Variants in ZFHX3 observed in about 807,000 individuals in gnomAD.
ZFHX3 encodes the protein zinc finger homeobox 3.
A neutral mutation model predicts 279.1 loss-of-function variants in ZFHX3; 42 were observed. The observed-to-expected ratio is 0.15, with a 90% CI of 0.12 to 0.19. The LOEUF is 0.19. Ranked by LOEUF, ZFHX3 falls within the 10% of genes least tolerant of loss-of-function variation. ZFHX3 has a pLI of 1.00. For missense variants in ZFHX3, 4,981 were observed against 4,754.0 expected, an observed-to-expected ratio of 1.05 and a Z score of -1.40; for synonymous variants, 2,293 against 1,957.8, an observed-to-expected ratio of 1.17 and a Z score of -4.52.
At chr16:73,600,055 T>C (rs1567529895) in intron 2 of ZFHX3, among the ~76,000 whole-genome samples, 1 of 152,214 alleles carries the variant, frequency 6.6e-6, no homozygotes, top group Non-Finnish European at 1.5e-5. Context: ...GCATCTTATT[T>C]GTACATGGCA....
At chr16:72,878,699 G>C (rs2144011267) in intron 4 of ZFHX3, among the ~76,000 whole-genome samples, 1 of 152,314 alleles carries the variant, frequency 6.6e-6, no homozygotes. Flanking sequence ...AGTGCTACTT[G>C]TCCCGTGGAT....
chr16:73,803,842 A>G lies in ZFHX3; in HGVS notation c.-1608+87809T>C, dbSNP rs568307366. Among the ~76,000 whole-genome samples, 98 of 152,328 alleles carry G rather than the reference A, an allele frequency of 6.4e-4. No individual in the cohort carries two copies. In the East Asian group the frequency reaches 0.015, roughly 23 times the overall value. On this transcript the variant is annotated intron_variant, in intron 1 of 17. Transcript: ENST00000641206. The stretch of plus-strand genomic sequence containing the variant: ...GCGTGTGTGTCTGTGAACAAAGATA[A>G]TGATACAGAAAGATATCCATCAAAT...
intron 2 of ZFHX3, among the ~76,000 whole-genome samples, chr16:73,664,209 C>G (rs1457217574): frequency 6.7e-6 from 1 of 149,960 alleles, no homozygotes; most frequent in Non-Finnish European, 1.5e-5. Flanking sequence ...AACAGTATTG[C>G]TGACCTTTTT....
intron 4 of ZFHX3, among the ~76,000 whole-genome samples, chr16:73,314,974 T>C (rs527840293): frequency 1.3e-5 from 2 of 152,318 alleles, no homozygotes; most frequent in South Asian, 4.1e-4. Context: ...ACGCCTGTAA[T>C]TCCAGCACTT....
intron 3 of ZFHX3, among the ~76,000 whole-genome samples, chr16:73,339,455 G>C (rs1031800212): frequency 6.6e-6 from 1 of 152,250 alleles, no homozygotes; most frequent in Admixed American, 6.5e-5. Flanking sequence ...AACTCAAATA[G>C]TGGTTAATTG....
intron 1 of ZFHX3, among the ~76,000 whole-genome samples, chr16:73,834,906 C>G (rs1421699675): frequency 8.1e-6 from 1 of 123,516 alleles, no homozygotes; most frequent in East Asian, 2.3e-4. Context: ...AAAGAAGCGT[C>G]TCCCCCCGTG....
rs1025486010 is a variant in ZFHX3, at chr16:72,788,172, C to G, written c.10104G>C (p.Gln3368His). The G allele has an allele frequency of 2.5e-6, 4 of 1,611,760 alleles. No individual in the cohort carries two copies. The African/African-American group carries it at 5.3e-5, about 22-fold the overall frequency. The change falls in exon 10 of 10, where the codon CAG (glutamine) becomes CAC (histidine). Residue 3368 changes from glutamine to histidine, a missense_variant. By Grantham distance (24) the Gln-to-His change is conservative. Around this residue, in one of 7 missense-constraint regions of ZFHX3, gnomAD observed 1,034 missense variants for 786.0 expected, o/e 1.32. Coordinates refer to ENST00000268489, the MANE Select transcript of ZFHX3 (RefSeq NM_006885.4). ...GSLLQQYQQY[Q>H]QSLQEAIQQQ... ...GCTGAATTGCCTCCTGCAGACTCTG[C>G]TGGTATTGCTGGTACTGCTGCAGTA...
intron 7 of ZFHX3, among the ~76,000 whole-genome samples, chr16:73,100,873 A>T (rs1966222553): frequency 6.6e-6 from 1 of 152,176 alleles, no homozygotes; most frequent in African/African-American, 2.4e-5. Flanking sequence ...CTGAGATTAC[A>T]TGGGTGAGTC....
intron 1 of ZFHX3, among the ~76,000 whole-genome samples, chr16:73,714,588 A>G (rs2053396351): frequency 6.6e-6 from 1 of 152,176 alleles, no homozygotes; most frequent in Non-Finnish European, 1.5e-5. Context: ...CAAATGCTTT[A>G]TGGCATGGAG....
intron 2 of ZFHX3, among the ~76,000 whole-genome samples, chr16:73,579,530 C>T (rs1404615876): frequency 6.7e-6 from 1 of 148,266 alleles, no homozygotes; most frequent in Admixed American, 6.7e-5. Context: ...GAGACAGAGT[C>T]TCACTCCGTC....
At chr16:72,938,143 C>T (rs76826532) in intron 3 of ZFHX3, among the ~76,000 whole-genome samples, 3,172 of 152,306 alleles carry the variant, frequency 0.021, 124 homozygotes, top group African/African-American at 0.072. Context: ...GCAGAGATGC[C>T]GTGTGTGGGT....
intron 1 of ZFHX3, among the ~76,000 whole-genome samples, chr16:73,036,296 A>G (rs1304857428): frequency 6.6e-6 from 1 of 152,224 alleles, no homozygotes; most frequent in African/African-American, 2.4e-5. Flanking sequence ...TGAACTTTTT[A>G]GCCACCTCCT....
chr16:73,308,599 G>A lies in ZFHX3; in HGVS notation c.-1194+9641C>T, dbSNP rs150193871. On this transcript the variant is annotated intron_variant, in intron 4 of 17. Transcript: ENST00000641206. ...TGAGATTACAGGTGTGAGCCACCAC[G>A]CCCAGCCTATTTTTTAATTCTCGCA... Among the ~76,000 whole-genome samples, 953 of 152,042 alleles carry A rather than the reference G, an allele frequency of 6.3e-3. 10 individuals carry two copies. The highest frequency in any genetic ancestry group is 0.021 in the African/African-American group (875 of 41,492).
intron 3 of ZFHX3, among the ~76,000 whole-genome samples, chr16:73,386,200 G>GTCTCTGTC (rs1555513205): frequency 6.0e-5 from 9 of 151,192 alleles, no homozygotes; most frequent in African/African-American, 1.7e-4. Flanking sequence ...CACCGTCTCT[G>GTCTCTGTC]TCTCTCTCTC....
chr16:73,711,209 A>T (rs564244084), intron 1 of ZFHX3, among the ~76,000 whole-genome samples: 2 of 152,090 alleles, frequency 1.3e-5, no homozygotes, highest in Non-Finnish European at 2.9e-5. Context: ...TGGGTCTGAT[A>T]TTTCAAGTCC....
chr16:73,341,486 G>A (rs544960841), intron 3 of ZFHX3, among the ~76,000 whole-genome samples: 55 of 152,310 alleles, frequency 3.6e-4, no homozygotes, highest in African/African-American at 1.2e-3. Flanking sequence ...TGAAATGCCA[G>A]TGAAACTACA....
rs1959577468 is a variant in ZFHX3, at chr16:72,928,178, G to C, written c.3216+22291C>G. Among the ~76,000 whole-genome samples the C allele has an allele frequency of 8.1e-5, 6 of 73,976 alleles. 1 individual carries two copies. The highest frequency in any genetic ancestry group is 1.0e-3 in the South Asian group (1 of 998). The allele number at this position is 73,976 out of a possible 152,430, so 48.5% of individuals were successfully genotyped here. ...GGGAGGGGAGAGAGGGAGGGGGAGG[G>C]GAGAGAGGGAGGGGGAGGGGAGCGA... On this transcript the variant is annotated intron_variant, in intron 3 of 9. Coordinates refer to ENST00000268489, the MANE Select transcript of ZFHX3 (RefSeq NM_006885.4).
intron 4 of ZFHX3, among the ~76,000 whole-genome samples, chr16:72,869,313 C>G (rs1597328247): frequency 6.6e-6 from 1 of 152,178 alleles, no homozygotes; most frequent in African/African-American, 2.4e-5. Context: ...CTTCAAGGAC[C>G]AGCCAGCCAG....
chr16:72,793,687 C>T lies in ZFHX3; in HGVS notation c.8995G>A (p.Ala2999Thr), dbSNP rs1356505116. Residue 2999 changes from alanine to threonine, a missense_variant, in exon 9 of 10, where the codon GCA (alanine) becomes ACA (threonine). Physicochemically the swap from Ala to Thr is moderately conservative, Grantham distance 58 (BLOSUM62 0). Transcript: ENST00000268489. This position sits in a 1 kb window ranked among gnomAD's most constrained non-coding sequence, Gnocchi z 4.3. ...CTTAACTTGGACTTCTTTTCTTTTG[C>T]CCGGGCATTCTGGAACCAGACCTGA... The part of the protein sequence containing the change: ...VVQVWFQNAR[A>T]KEKKSKLSMA... 6.2e-7 allele frequency: 1 copy of T among 1,614,118 alleles called. No homozygotes were observed. The highest frequency in any genetic ancestry group is 8.5e-7 in the Non-Finnish European group (1 of 1,180,032).
Sources: allele counts gnomAD v4.1 joint callset (sites outside exome capture counted in the v4.1 genomes callset), GRCh38; gene constraint gnomAD v4.1.1; regional missense constraint gnomAD v4.1.1; non-coding constraint Gnocchi (gnomAD v3.1); transcripts MANE v1.5; gene names NCBI Gene and HGNC (gene_info 2026-07-23, HGNC 2026-07-21).